Variants in DLGAP2 observed in about 807,000 individuals in gnomAD.
The protein encoded by DLGAP2 is disks large-associated protein 2.
A neutral mutation model predicts 100.3 loss-of-function variants in DLGAP2; 26 were observed. That is an observed-to-expected ratio of 0.26 (90% confidence interval 0.19 to 0.36). The LOEUF is 0.36. Among genes scored for constraint, DLGAP2 ranks in the 10% least tolerant of loss-of-function variants. The probability of loss-of-function intolerance (pLI) is 1.00; values close to 1 mark genes in which losing one functional copy is unlikely to be tolerated. For synonymous variants in DLGAP2, 886 were observed against 630.1 expected (o/e 1.41, Z -6.08); for missense variants, 1,858 against 1,453.2 (o/e 1.28, Z -4.53).
At chr8:1,392,821 G>T (rs1796400942) in intron 3 of DLGAP2, among the ~76,000 whole-genome samples, 1 of 151,068 alleles carries the variant, frequency 6.6e-6, no homozygotes. Flanking sequence ...ATCTGTGATT[G>T]GACTTTGGCA....
chr8:1,273,576 G>A (rs1410886274), intron 3 of DLGAP2, among the ~76,000 whole-genome samples: 1 of 152,232 alleles, frequency 6.6e-6, no homozygotes, highest in Non-Finnish European at 1.5e-5. Context: ...GACGTGCCGT[G>A]ACGGCTTTAT....
intron 3 of DLGAP2, among the ~76,000 whole-genome samples, chr8:1,383,523 A>G (rs1796142217): frequency 6.6e-6 from 1 of 152,160 alleles, no homozygotes; most frequent in South Asian, 2.1e-4. Context: ...TGGTTTAGGG[A>G]CACACAGTTG....
chr8:1,695,915 G>T (rs1037212510), intron 13 of DLGAP2, among the ~76,000 whole-genome samples: 1 of 152,228 alleles, frequency 6.6e-6, no homozygotes, highest in African/African-American at 2.4e-5. Context: ...CGCCCTCCTG[G>T]GGAGCTCCTC....
chr8:844,905 C>T (rs1226143645), intron 1 of DLGAP2, among the ~76,000 whole-genome samples: 1 of 152,180 alleles, frequency 6.6e-6, no homozygotes, highest in African/African-American at 2.4e-5. Context: ...ATGCTCTGGA[C>T]ATTTCGTGTA....
intron 6 of DLGAP2, among the ~76,000 whole-genome samples, chr8:1,591,288 C>G (rs1299293701): frequency 2.1e-5 from 3 of 141,038 alleles, no homozygotes; most frequent in Admixed American, 7.3e-5. Flanking sequence ...TCACTCACAC[C>G]CCCTCCCCCT....
intron 8 of DLGAP2, among the ~76,000 whole-genome samples, chr8:1,656,094 C>T (rs1348262295): frequency 6.6e-6 from 1 of 152,144 alleles, no homozygotes; most frequent in African/African-American, 2.4e-5. Context: ...GAGGCCAAGG[C>T]GGGCAGATCA....
chr8:1,694,688 C>T (rs1052170791), intron 13 of DLGAP2, among the ~76,000 whole-genome samples: 6 of 152,098 alleles, frequency 3.9e-5, no homozygotes, highest in East Asian at 1.9e-4. Context: ...CAGGTGCCGG[C>T]GCACAGAGAG....
chr8:1,514,729 TG>T, intron 4 of DLGAP2, among the ~76,000 whole-genome samples: 1 of 152,254 alleles, frequency 6.6e-6, no homozygotes, highest in South Asian at 2.1e-4. Flanking sequence ...TCAGTGAGGA[TG>T]GGCACACGCT....
At chr8:932,798 A>T (rs1798988069) in intron 2 of DLGAP2, among the ~76,000 whole-genome samples, 1 of 152,164 alleles carries the variant, frequency 6.6e-6, no homozygotes, top group Admixed American at 6.5e-5. Context: ...TATGTCTGAA[A>T]TTATTTCAAA....
At chr8:1,293,700 G>T (rs978893698) in intron 3 of DLGAP2, among the ~76,000 whole-genome samples, 4 of 152,136 alleles carry the variant, frequency 2.6e-5, no homozygotes, top group Admixed American at 2.6e-4. Flanking sequence ...TGCCCAGCCT[G>T]AGCCCTTCCC....
chr8:1,185,789 C>G (rs757219436), intron 2 of DLGAP2, among the ~76,000 whole-genome samples: 4 of 151,872 alleles, frequency 2.6e-5, no homozygotes, highest in African/African-American at 7.3e-5. Flanking sequence ...CAGTAGGAAC[C>G]AAGGCTGGTG....
chr8:1,312,357 ACTT>A (rs1350263749), intron 3 of DLGAP2, among the ~76,000 whole-genome samples: 2 of 152,170 alleles, frequency 1.3e-5, no homozygotes. Flanking sequence ...AAAATTTAAA[ACTT>A]CTGCTTTCTG....
intron 13 of DLGAP2, among the ~76,000 whole-genome samples, chr8:1,693,486 G>A (rs1286257663): frequency 2.0e-5 from 3 of 151,958 alleles, no homozygotes; most frequent in Non-Finnish European, 2.9e-5. Context: ...TACATACATC[G>A]ATTTCTTTTC....
chr8:1,428,010 T>C (rs917564218), intron 3 of DLGAP2, among the ~76,000 whole-genome samples: 1 of 152,088 alleles, frequency 6.6e-6, no homozygotes, highest in Non-Finnish European at 1.5e-5. Context: ...ACCTTAAAAG[T>C]TCATACATGT....
At chr8:1,139,068 G>C (rs950196710) in intron 2 of DLGAP2, among the ~76,000 whole-genome samples, 4 of 152,240 alleles carry the variant, frequency 2.6e-5, no homozygotes, top group Admixed American at 1.3e-4. Flanking sequence ...AATTGCTCTG[G>C]AAGTCCTGGT....
chr8:1,186,689 G>C (rs569162265), intron 2 of DLGAP2, among the ~76,000 whole-genome samples: 5 of 152,222 alleles, frequency 3.3e-5, no homozygotes, highest in South Asian at 4.2e-4. Flanking sequence ...TGGGACTGGG[G>C]GGCCTTTCTG....
chr8:1,662,882 CGT>C (rs1270984120), intron 8 of DLGAP2, among the ~76,000 whole-genome samples: 1 of 110,466 alleles, frequency 9.1e-6, no homozygotes, highest in African/African-American at 3.6e-5. Flanking sequence ...GGTGTGTGCG[CGT>C]GTGTACATGT....
intron 12 of DLGAP2, among the ~76,000 whole-genome samples, chr8:1,679,720 G>A (rs1458981293): frequency 6.6e-6 from 1 of 152,166 alleles, no homozygotes; most frequent in Admixed American, 6.5e-5. Flanking sequence ...GGTGGCTCAC[G>A]CCTGTAATTC....
intron 3 of DLGAP2, among the ~76,000 whole-genome samples, chr8:1,454,335 G>A (rs1160436966): frequency 6.6e-6 from 1 of 152,020 alleles, no homozygotes; most frequent in East Asian, 1.9e-4. Flanking sequence ...AACACAGTGA[G>A]GTTTTTCTTC....
Sources: allele counts gnomAD v4.1 joint callset (sites outside exome capture counted in the v4.1 genomes callset), GRCh38; gene constraint gnomAD v4.1.1; transcripts MANE v1.5; gene names NCBI Gene and HGNC (gene_info 2026-07-23, HGNC 2026-07-21).